Variants in ALKBH8 observed in about 807,000 individuals in gnomAD.
ALKBH8 encodes the protein alkB homolog 8, tRNA methyltransferase.
A neutral mutation model predicts 59.8 loss-of-function variants in ALKBH8; 36 were observed. The observed-to-expected ratio is 0.60, with a 90% confidence interval of 0.46 to 0.79. The LOEUF (loss-of-function observed/expected upper bound fraction) is 0.79, where lower values mean the gene tolerates loss of function less well. ALKBH8 is among the 30% of genes least tolerant of loss of function. The pLI is 0.00. For missense variants in ALKBH8, 768 were observed against 801.0 expected, an observed-to-expected ratio of 0.96 and a Z score of 0.50; for synonymous variants, 276 against 273.6, an observed-to-expected ratio of 1.01 and a Z score of -0.09.
chr11:107,544,378 A>C (rs1268078618), intron 7 of ALKBH8, among the ~76,000 whole-genome samples: 1 of 152,232 alleles, frequency 6.6e-6, no homozygotes, highest in African/African-American at 2.4e-5. Context: ...CACAGAAAAA[A>C]GATAAAGAGT....
intron 7 of ALKBH8, among the ~76,000 whole-genome samples, chr11:107,534,652 A>G (rs1863734364): frequency 6.6e-6 from 1 of 152,240 alleles, no homozygotes; most frequent in Admixed American, 6.5e-5. Flanking sequence ...GTTAATTTTG[A>G]AACACCTGTC....
chr11:107,517,218 A>C (rs921372343), intron 10 of ALKBH8, among the ~76,000 whole-genome samples: 7 of 152,228 alleles, frequency 4.6e-5, no homozygotes, highest in African/African-American at 1.4e-4. Flanking sequence ...ATGAGATTTT[A>C]CCTCACACTT....
Position 107,504,436 on chromosome 11 carries a change from C to T in ALKBH8, c.*222G>A, listed in dbSNP as rs1183938214. On this transcript the variant is annotated 3_prime_UTR_variant, in exon 12 of 12. Transcript: ENST00000428149. ...CTGCTTCAATCACTTTTAGAAACCA[C>T]CTCTCCTAGGGAAGTAGGAGGAGCC... 3.0e-6 allele frequency: 2 copies of T among 658,332 alleles called. No homozygotes were observed. Among genetic ancestry groups the T allele is most frequent in the Non-Finnish European group, 5.3e-6 (2 of 375,158 alleles). 40.8% of individuals were successfully genotyped at this position (658,332 alleles called of 1,614,324 possible).
At chr11:107,525,322 A>G (rs1245596566) in intron 9 of ALKBH8, 119 bp downstream of exon 9, 1 of 927,404 alleles carries the variant, frequency 1.1e-6, no homozygotes, top group East Asian at 3.2e-5. Context: ...ACAAGGCAAA[A>G]TACAGGAAAT....
At chr11:107,561,710 T>G (rs1461307159) in intron 1 of ALKBH8, among the ~76,000 whole-genome samples, 3 of 152,204 alleles carry the variant, frequency 2.0e-5, no homozygotes, top group Non-Finnish European at 4.4e-5. Flanking sequence ...TTGTGATGAT[T>G]CATCTGTTAG....
At chr11:107,563,366 G>A (rs918510697) in intron 1 of ALKBH8, among the ~76,000 whole-genome samples, 1 of 152,088 alleles carries the variant, frequency 6.6e-6, no homozygotes, top group Non-Finnish European at 1.5e-5. Context: ...CAGTGTTTAG[G>A]AGTCCATGTT....
chr11:107,530,363 T>G (rs1328817766), intron 8 of ALKBH8, among the ~76,000 whole-genome samples: 1 of 152,204 alleles, frequency 6.6e-6, no homozygotes, highest in Non-Finnish European at 1.5e-5. Flanking sequence ...GTGCTTTTGT[T>G]TCTTCAGCAT....
intron 10 of ALKBH8, among the ~76,000 whole-genome samples, chr11:107,519,293 T>A (rs1383764667): frequency 6.6e-6 from 1 of 151,992 alleles, no homozygotes; most frequent in Non-Finnish European, 1.5e-5. Context: ...TCAGTAGAGA[T>A]GAGGTTTCTC....
intron 2 of ALKBH8, 49 bp from the exon 3 acceptor site, chr11:107,557,052 T>C (rs944930370): frequency 3.2e-6 from 4 of 1,242,200 alleles, no homozygotes; most frequent in African/African-American, 1.6e-5. Flanking sequence ...GAGCAACTGA[T>C]ACCAACCCAT....
At chr11:107,541,065 GAAC>G (rs1864013709) in intron 7 of ALKBH8, among the ~76,000 whole-genome samples, 2 of 152,064 alleles carry the variant, frequency 1.3e-5, no homozygotes, top group Non-Finnish European at 1.5e-5. Flanking sequence ...AGAGTAATAA[GAAC>G]AACAGTCATG....
At chr11:107,561,255 C>A (rs1864926296) in intron 1 of ALKBH8, among the ~76,000 whole-genome samples, 1 of 151,860 alleles carries the variant, frequency 6.6e-6, no homozygotes, top group Admixed American at 6.6e-5. Flanking sequence ...AAGGAGCAGG[C>A]AGGGGAGCGG....
rs191099561 is a variant in ALKBH8, at chr11:107,503,720, G to T, written c.*938C>A. 1.3e-5 allele frequency: 2 copies of T among 152,292 alleles called. No homozygotes were observed. Among genetic ancestry groups the T allele is most frequent in the East Asian group, 3.9e-4 (2 of 5,182 alleles). The allele number at this position is 152,292 out of a possible 1,614,324, so 9.4% of individuals were successfully genotyped here. A position where few individuals can be genotyped will look rare whatever the true frequency, so the allele number is the denominator to read the frequency against. ...CCACAGCTTTGGCTCTAAGGGCACA[G>T]TTAGGTCTGAGTGACCACATTCTAA... On this transcript the variant is annotated 3_prime_UTR_variant, in exon 12 of 12. Transcript: ENST00000428149.
intron 7 of ALKBH8, among the ~76,000 whole-genome samples, chr11:107,536,495 G>T (rs1181601565): frequency 6.6e-6 from 1 of 152,178 alleles, no homozygotes; most frequent in African/African-American, 2.4e-5. Context: ...AATGAAAGTT[G>T]ATCACTTATT....
chr11:107,562,663 C>G (rs1258201474), intron 1 of ALKBH8: 1 of 152,112 alleles, frequency 6.6e-6, no homozygotes, highest in Admixed American at 6.5e-5. Flanking sequence ...TCTTAAAATG[C>G]CAGCAGTCCA....
rs1256100608 is a variant in ALKBH8 at position 107,510,943 on chromosome 11, T to C, written c.1381A>G (p.Ser461Gly). The change falls in exon 11 of 12, where the codon AGT becomes GGT. Residue 461 changes from serine (S) to glycine (G), a missense_variant. Physicochemically the swap from Ser to Gly is moderately conservative, Grantham distance 56. Transcript: ENST00000428149. ...GAGATGCAGGCATCACAAGACCCAC[T>C]GCGGACTGGTACTGCCAATGCATCA... The part of the protein sequence containing the change: ...VCDALAVPVR[S>G]GSCDACISIA... The C allele has an allele frequency of 1.9e-6, 3 of 1,551,768 alleles. No individual in the cohort carries two copies. Among genetic ancestry groups the C allele is most frequent in the Admixed American group, 2.0e-5 (1 of 51,012 alleles).
rs373669777 is a variant in ALKBH8, at chr11:107,558,126, C to A, written c.130-1123G>T. On this transcript the variant is annotated intron_variant, in intron 2 of 11. Transcript: ENST00000428149. ...TCACAACCCTGATTTAGTCTAAGGACAGTAGTTTGCCAACCCTTAATTTAT... is the reference window on the plus strand; with the variant it reads ...TCACAACCCTGATTTAGTCTAAGGAAAGTAGTTTGCCAACCCTTAATTTAT... Among the ~76,000 whole-genome samples the A allele has an allele frequency of 2.6e-5, 4 of 152,146 alleles. No individual in the cohort carries two copies. In the East Asian group the frequency reaches 7.7e-4, roughly 29 times the overall value.
At chr11:107,542,799 A>G (rs1864096171) in intron 7 of ALKBH8, among the ~76,000 whole-genome samples, 1 of 152,144 alleles carries the variant, frequency 6.6e-6, no homozygotes, top group Admixed American at 6.5e-5. Flanking sequence ...AGTACCTGCT[A>G]CTAGGATGGC....
chr11:107,514,497 T>C (rs1038934030), intron 10 of ALKBH8, among the ~76,000 whole-genome samples: 2 of 152,208 alleles, frequency 1.3e-5, no homozygotes, highest in African/African-American at 4.8e-5. Flanking sequence ...TTATCTTTAA[T>C]ATATTTTAAG....
At chr11:107,518,300 T>C in intron 10 of ALKBH8, among the ~76,000 whole-genome samples, 1 of 152,316 alleles carries the variant, frequency 6.6e-6, no homozygotes, top group South Asian at 2.1e-4. Context: ...TATGTATGTA[T>C]GTAGGTATTT....
Sources: gnomAD v4.1 joint callset for allele counts (sites outside exome capture counted in the v4.1 genomes callset) on GRCh38, gnomAD v4.1.1 for gene constraint, MANE v1.5 for transcripts, NCBI Gene and HGNC (gene_info 2026-07-23, HGNC 2026-07-21) for gene names.